The following SLC39A11 variants were observed in gnomAD, a reference collection of about 807,000 sequenced individuals.
The protein encoded by SLC39A11 is solute carrier family 39 member 11, also known as zinc transporter ZIP11.
Under a neutral mutation model 36.1 loss-of-function variants are expected in SLC39A11, and 33 were observed. The observed-to-expected ratio is 0.91, with a 90% CI of 0.69 to 1.22. The LOEUF (loss-of-function observed/expected upper bound fraction) is 1.22, where lower values mean the gene tolerates loss of function less well. SLC39A11 is among the 50% of genes most tolerant of loss of function. SLC39A11 has a pLI of 0.00. For synonymous variants in SLC39A11, 166 were observed against 170.3 expected (o/e 0.97, Z 0.20); for missense variants, 432 against 430.3 (o/e 1.00, Z -0.03).
At chr17:72,666,324 C>A (rs530125365) in intron 7 of SLC39A11, among the ~76,000 whole-genome samples, 2 of 152,190 alleles carry the variant, frequency 1.3e-5, no homozygotes, top group Non-Finnish European at 2.9e-5. Context: ...ATCTGGACAG[C>A]ATAAACCGAC....
intron 7 of SLC39A11, among the ~76,000 whole-genome samples, chr17:72,732,987 A>G (rs532652923): frequency 6.6e-6 from 1 of 152,320 alleles, no homozygotes; most frequent in Non-Finnish European, 1.5e-5. Flanking sequence ...CAAGTTGCAC[A>G]CGCAAGTTCC....
intron 5 of SLC39A11, among the ~76,000 whole-genome samples, chr17:72,861,688 T>TATATATATATATATATATA (rs1169877556): frequency 2.3e-5 from 2 of 88,800 alleles, no homozygotes; most frequent in African/African-American, 8.9e-5. Flanking sequence ...TATATATATA[T>TATATATATATATATATATA]AAAATATATA....
intron 4 of SLC39A11, among the ~76,000 whole-genome samples, chr17:72,968,422 A>T (rs1203979903): frequency 6.6e-6 from 1 of 152,034 alleles, no homozygotes; most frequent in East Asian, 1.9e-4. Context: ...GAGGAAACCC[A>T]TTGGGAATCT....
chr17:72,721,659 T>G (rs116391764), intron 7 of SLC39A11, among the ~76,000 whole-genome samples: 2,469 of 152,176 alleles, frequency 0.016, 50 homozygotes, highest in African/African-American at 0.048. Flanking sequence ...GCTCTGTGTT[T>G]GAGAAACAGA....
At chr17:72,888,558 C>T (rs1305142247) in intron 5 of SLC39A11, among the ~76,000 whole-genome samples, 1 of 152,140 alleles carries the variant, frequency 6.6e-6, no homozygotes, top group African/African-American at 2.4e-5. Flanking sequence ...GAGTCCCATG[C>T]AACAACATCA....
At chr17:72,971,294 T>G (rs544643054) in intron 4 of SLC39A11, among the ~76,000 whole-genome samples, 1 of 151,644 alleles carries the variant, frequency 6.6e-6, no homozygotes, top group South Asian at 2.1e-4. Context: ...TATGCACCAC[T>G]GCTCACCCCC....
chr17:72,678,724 G>T (rs923860526), intron 7 of SLC39A11, among the ~76,000 whole-genome samples: 1 of 151,970 alleles, frequency 6.6e-6, no homozygotes, highest in African/African-American at 2.4e-5. Context: ...CATGCCTCAT[G>T]CTCTTGGGGT....
At chr17:72,833,449 T>C (rs959770712) in intron 6 of SLC39A11, among the ~76,000 whole-genome samples, 2 of 152,234 alleles carry the variant, frequency 1.3e-5, no homozygotes, top group Non-Finnish European at 2.9e-5. Context: ...TCAATGTCTG[T>C]CATTCCCACA....
In SLC39A11 at chr17:72,689,864, T is replaced by C. The variant is rs148557871; in HGVS notation, c.672-40596A>G. 5.0e-3 allele frequency among the ~76,000 whole-genome samples: 763 copies of C among 152,248 alleles called. 3 individuals are homozygous for C. The highest frequency in any genetic ancestry group is 0.017 in the African/African-American group (726 of 41,546). ...GGGGTGATGAAAACATTTTGGAAGA[T>C]AGAGGTGGCAGTTGTACAACATTGA... is the stretch of plus-strand genomic sequence containing the variant. On this transcript the variant is annotated intron_variant, in intron 7 of 9. Coordinates refer to ENST00000255559, the MANE Select transcript of SLC39A11 (RefSeq NM_139177.4).
At chr17:73,053,191 A>G (rs893875658) in intron 3 of SLC39A11, among the ~76,000 whole-genome samples, 5 of 152,122 alleles carry the variant, frequency 3.3e-5, no homozygotes, top group African/African-American at 1.2e-4. Flanking sequence ...ATCTCAAACA[A>G]AACAACAACA....
intron 5 of SLC39A11, among the ~76,000 whole-genome samples, chr17:72,890,409 T>C (rs1002956086): frequency 6.6e-6 from 1 of 152,080 alleles, no homozygotes; most frequent in Non-Finnish European, 1.5e-5. Flanking sequence ...GAAACATTTG[T>C]GAAGCAAAAT....
At chr17:72,805,518 G>A (rs2077221430) in intron 6 of SLC39A11, among the ~76,000 whole-genome samples, 1 of 152,198 alleles carries the variant, frequency 6.6e-6, no homozygotes, top group South Asian at 2.1e-4. Flanking sequence ...CAGATGTGCT[G>A]TCAAGGCAGA....
At chr17:72,927,112 T>A (rs1338716142) in intron 5 of SLC39A11, among the ~76,000 whole-genome samples, 1 of 152,154 alleles carries the variant, frequency 6.6e-6, no homozygotes, top group African/African-American at 2.4e-5. Context: ...AGTGGTGTGA[T>A]CTTAGCTCAC....
chr17:73,077,797 C>G (rs1181372516), intron 3 of SLC39A11, among the ~76,000 whole-genome samples: 2 of 152,178 alleles, frequency 1.3e-5, no homozygotes, highest in Non-Finnish European at 2.9e-5. Flanking sequence ...GAAATTACAT[C>G]TTAAATGTTC....
At chr17:72,885,640 C>T (rs936476072) in intron 5 of SLC39A11, among the ~76,000 whole-genome samples, 4 of 147,054 alleles carry the variant, frequency 2.7e-5, no homozygotes, top group Non-Finnish European at 1.5e-5. Context: ...TATTTATTTC[C>T]AGCTCCTTTC....
chr17:72,949,144 CTTTTTTTTTTTTTT>C (rs56036208), intron 4 of SLC39A11, among the ~76,000 whole-genome samples: 23 of 36,474 alleles, frequency 6.3e-4, no homozygotes, highest in East Asian at 2.3e-3. Context: ...CACTGGGCAG[CTTTTTTTTTTTTTT>C]TTTTTTTTTT....
At chr17:72,940,098 G>C (rs72850921) in intron 5 of SLC39A11, among the ~76,000 whole-genome samples, 11 of 152,282 alleles carry the variant, frequency 7.2e-5, no homozygotes, top group Non-Finnish European at 1.3e-4. Context: ...ACAGTCAGGA[G>C]AGAACTTCTA....
intron 6 of SLC39A11, among the ~76,000 whole-genome samples, chr17:72,779,362 T>C (rs1337385663): frequency 1.3e-5 from 2 of 151,888 alleles, no homozygotes; most frequent in Non-Finnish European, 2.9e-5. Flanking sequence ...GAGGCGGAGG[T>C]TGCAGTGAGC....
chr17:72,963,585 TG>T (rs1479842550), intron 4 of SLC39A11, among the ~76,000 whole-genome samples: 1 of 152,224 alleles, frequency 6.6e-6, no homozygotes, highest in African/African-American at 2.4e-5. Flanking sequence ...AGGGTCTAAA[TG>T]TACCCTTAGG....
Sources: allele counts gnomAD v4.1 joint callset (sites outside exome capture counted in the v4.1 genomes callset), GRCh38; gene constraint gnomAD v4.1.1; transcripts MANE v1.5; gene names NCBI Gene and HGNC (gene_info 2026-07-23, HGNC 2026-07-21).